The following RFX2 variants were observed in gnomAD, a reference collection of about 807,000 sequenced individuals.
The protein encoded by RFX2 is regulatory factor X2.
Under a neutral mutation model 87.8 loss-of-function variants are expected in RFX2, and 20 were observed. The observed-to-expected ratio is 0.23, with a 90% confidence interval of 0.16 to 0.33. The LOEUF (loss-of-function observed/expected upper bound fraction) is 0.33, where lower values mean the gene tolerates loss of function less well. RFX2 is among the 10% of genes least tolerant of loss of function. The pLI is 1.00. For synonymous variants in RFX2, 397 were observed against 431.3 expected, an observed-to-expected ratio of 0.92 and a Z score of 0.98; for missense variants, 767 against 1,012.3, an observed-to-expected ratio of 0.76 and a Z score of 3.29.
In RFX2 at chr19:6,026,145, G is replaced by C. The variant is rs542166461; in HGVS notation, c.597+18C>G. ...CAAGCAGAGCAGGGACAGGTTGCCA[G>C]GTCAGACGCACACTTACATGGCTGT... On this transcript the variant is annotated intron_variant, in intron 6 of 17. Transcript: ENST00000303657. The surrounding 1 kb of genome is among the most constrained non-coding windows in gnomAD (Gnocchi z 4.5). 7 of 1,606,074 alleles carry C rather than the reference G, an allele frequency of 4.4e-6. No homozygotes were observed. The South Asian group carries it at 4.4e-5, about 10-fold the overall frequency.
chr19:6,029,105 A>G (rs1045374152), intron 5 of RFX2, among the ~76,000 whole-genome samples: 3 of 152,014 alleles, frequency 2.0e-5, no homozygotes, highest in Non-Finnish European at 2.9e-5. Context: ...AGATTTTACA[A>G]AATTAGTTCA....
chr19:6,107,616 C>CAAAAAAAAAAAAAAAAAA lies in RFX2; in HGVS notation c.-9+2759_-9+2776dup, dbSNP rs1156483792. ...TGGGTGACAGAGTGAGACCCTGTCT[C>CAAAAAAAAAAAAAAAAAA]AAAAAAAAAAAAAAAAAAAAAAAAA... On this transcript the variant is annotated intron_variant, in intron 1 of 17. Coordinates refer to ENST00000303657, the MANE Select transcript of RFX2 (RefSeq NM_000635.4). Among the ~76,000 whole-genome samples, 38 of 31,560 alleles carry CAAAAAAAAAAAAAAAAAA rather than the reference C, an allele frequency of 1.2e-3. 1 individual carries two copies. The highest frequency in any genetic ancestry group is 1.6e-3 in the Non-Finnish European group (27 of 16,540). The allele number at this position is 31,560 out of a possible 152,430, so 20.7% of individuals were successfully genotyped here.
chr19:6,069,765 G>T (rs1025500844), intron 1 of RFX2, among the ~76,000 whole-genome samples: 2 of 152,196 alleles, frequency 1.3e-5, no homozygotes, highest in African/African-American at 4.8e-5. Flanking sequence ...GTTGGAGCAG[G>T]TTCAAGAGAG....
intron 1 of RFX2, among the ~76,000 whole-genome samples, chr19:6,081,143 A>T (rs2087777490): frequency 6.6e-6 from 1 of 152,156 alleles, no homozygotes; most frequent in Non-Finnish European, 1.5e-5. Flanking sequence ...CTCTTCTTAG[A>T]TTATAGACAG....
rs571493955 is a variant in RFX2, at chr19:6,090,328, G to A, written c.-9+20065C>T. Reference sequence around the variant, plus strand: ...TGAGGTTGCAGTGAGCCAAGATCACGCCATTGCACTACAGCCTGGGTGACA... The same window carrying A: ...TGAGGTTGCAGTGAGCCAAGATCACACCATTGCACTACAGCCTGGGTGACA... On this transcript the variant is annotated intron_variant, in intron 1 of 17. Transcript: ENST00000303657. 1.5e-4 allele frequency among the ~76,000 whole-genome samples: 21 copies of A among 142,958 alleles called. No homozygotes were observed. The South Asian group carries it at 3.7e-3, about 25-fold the overall frequency. 93.8% of individuals were successfully genotyped at this position (142,958 alleles called of 152,430 possible).
At chr19:6,046,293 C>A (rs971679273) in intron 2 of RFX2, among the ~76,000 whole-genome samples, 1 of 152,154 alleles carries the variant, frequency 6.6e-6, no homozygotes, top group Non-Finnish European at 1.5e-5. Flanking sequence ...AATTCTAACT[C>A]ATCTAGGCTG....
chr19:6,080,830 GT>G (rs1456543981), intron 1 of RFX2, among the ~76,000 whole-genome samples: 1 of 152,036 alleles, frequency 6.6e-6, no homozygotes, highest in Non-Finnish European at 1.5e-5. Context: ...GAAGTCAGGA[GT>G]TTGAGACCAG....
chr19:6,088,318 T>C (rs2087886167), intron 1 of RFX2, among the ~76,000 whole-genome samples: 1 of 151,194 alleles, frequency 6.6e-6, no homozygotes. Context: ...CTCCCGCGAT[T>C]CTCCTGCCTC....
intron 1 of RFX2, among the ~76,000 whole-genome samples, chr19:6,084,394 A>G (rs2087827442): frequency 6.6e-6 from 1 of 152,268 alleles, no homozygotes; most frequent in South Asian, 2.1e-4. Context: ...CATTTTAACC[A>G]TGTTTAATAT....
chr19:6,076,257 T>C (rs1035324922), intron 1 of RFX2, among the ~76,000 whole-genome samples: 1 of 152,120 alleles, frequency 6.6e-6, no homozygotes, highest in African/African-American at 2.4e-5. Context: ...GGCAGGAGAA[T>C]CGCCTGAACC....
Position 6,007,712 on chromosome 19 carries a change from C to A in RFX2, c.1225G>T (p.Gly409Cys). ...FWNSKASSSD[G>C]PTSLPASDED... ...CACCTGGCAGGAAGAGAGGTGGGGC[C>A]GTCGCTGGAGGAGGCCTTAGAGTTC... Residue 409 changes from glycine to cysteine, a missense_variant, in exon 11 of 18, where the codon GGC becomes TGC. Around this residue, in one of 2 missense-constraint regions of RFX2, gnomAD observed 621 missense variants for 873.0 expected, o/e 0.71. Transcript: ENST00000303657. This position sits in a 1 kb window ranked among gnomAD's most constrained non-coding sequence, Gnocchi z 8.2. 6.4e-7 allele frequency: 1 copy of A among 1,554,190 alleles called. No homozygotes were observed. Among genetic ancestry groups the A allele is most frequent in the African/African-American group, 1.4e-5 (1 of 73,292 alleles).
At chr19:6,072,683 C>T (rs1411774430) in intron 1 of RFX2, 8 of 385,526 alleles carry the variant, frequency 2.1e-5, no homozygotes, top group Admixed American at 3.8e-5. Context: ...CCAGCCTGGG[C>T]GACAGAGAGA....
chr19:6,076,293 G>A (rs2087691574), intron 1 of RFX2, among the ~76,000 whole-genome samples: 1 of 152,186 alleles, frequency 6.6e-6, no homozygotes, highest in African/African-American at 2.4e-5. Context: ...GCAGTGAGCC[G>A]AGATGGTGCC....
rs115849142 is a variant in RFX2, at chr19:5,996,968, C to T, written c.2013+92G>A. On this transcript the variant is annotated intron_variant, in intron 16 of 17. Coordinates refer to ENST00000303657, the MANE Select transcript of RFX2 (RefSeq NM_000635.4). Reference sequence around the variant, plus strand: ...CCGGGCGGCAGAGCAGTGGGACCTGCGAGTGTCCTCTCTCTGGGCTGCTCA... The same window carrying T: ...CCGGGCGGCAGAGCAGTGGGACCTGTGAGTGTCCTCTCTCTGGGCTGCTCA... 6.1e-3 allele frequency: 8,274 copies of T among 1,351,744 alleles called. 226 individuals are homozygous for T. The African/African-American group carries it at 0.076, about 12-fold the overall frequency. 83.7% of individuals were successfully genotyped at this position (1,351,744 alleles called of 1,614,324 possible).
chr19:6,104,436 G>A (rs577565646), intron 1 of RFX2, among the ~76,000 whole-genome samples: 1 of 151,942 alleles, frequency 6.6e-6, no homozygotes. Context: ...AGTTGTGGTG[G>A]TGGATGCCTG....
At chr19:6,070,131 T>G (rs1160029069) in intron 1 of RFX2, among the ~76,000 whole-genome samples, 95 of 5,606 alleles carry the variant, frequency 0.017, no homozygotes, top group Non-Finnish European at 0.02. Context: ...GGATGGGATG[T>G]GGATGGGATG....
chr19:6,035,888 T>TGTGTGTGA (rs1243051940), intron 5 of RFX2, among the ~76,000 whole-genome samples: 2 of 150,422 alleles, frequency 1.3e-5, no homozygotes, highest in Non-Finnish European at 3.0e-5. Flanking sequence ...TGTGTGTGTG[T>TGTGTGTGA]GAAAACATAG....
rs1472121775 is a variant in RFX2 at position 5,998,589 on chromosome 19, C to T, written c.1860-1376G>A. 2.0e-5 allele frequency among the ~76,000 whole-genome samples: 3 copies of T among 152,204 alleles called. No homozygotes were observed. Among genetic ancestry groups the T allele is most frequent in the Non-Finnish European group, 2.9e-5 (2 of 68,034 alleles). On this transcript the variant is annotated intron_variant, in intron 15 of 17. Transcript: ENST00000303657. The surrounding 1 kb of genome is among the most constrained non-coding windows in gnomAD (Gnocchi z 4.2). Reference sequence around the variant, plus strand: ...CAAGCATAGCTGCAAAGCCCCCAGCCCCCTCCTGTTCCTCCGGGCCCACCC... The same window carrying T: ...CAAGCATAGCTGCAAAGCCCCCAGCTCCCTCCTGTTCCTCCGGGCCCACCC...
At chr19:6,006,481 T>C (rs894277426) in intron 12 of RFX2, among the ~76,000 whole-genome samples, 63 of 149,904 alleles carry the variant, frequency 4.2e-4, no homozygotes, top group Non-Finnish European at 5.0e-4. Context: ...TTTTTTTTTT[T>C]TGAGACAGAG....
Sources: gnomAD v4.1 joint callset for allele counts (sites outside exome capture counted in the v4.1 genomes callset) on GRCh38, gnomAD v4.1.1 for gene constraint, gnomAD v4.1.1 regional missense constraint, Gnocchi (gnomAD v3.1) non-coding constraint, MANE v1.5 for transcripts, NCBI Gene and HGNC (gene_info 2026-07-23, HGNC 2026-07-21) for gene names.